Variants in PATJ observed in about 807,000 individuals in gnomAD.
PATJ encodes the protein PATJ crumbs cell polarity complex component.
In PATJ, 190 loss-of-function variants were observed where a neutral mutation model predicts 224.9. The ratio of observed to expected loss-of-function variants is 0.84; its 90% CI spans 0.75 to 0.95. PATJ has a LOEUF of 0.95. PATJ is among the 40% of genes least tolerant of loss of function. The probability of loss-of-function intolerance (pLI) is 0.00; values close to 1 mark genes in which losing one functional copy is unlikely to be tolerated. For synonymous variants in PATJ, 769 were observed against 820.3 expected (o/e 0.94, Z 1.07); for missense variants, 2,121 against 2,270.3 (o/e 0.93, Z 1.34).
At chr1:61,982,116 G>A (rs1037051925) in intron 27 of PATJ, among the ~76,000 whole-genome samples, 2 of 151,988 alleles carry the variant, frequency 1.3e-5, no homozygotes, top group Non-Finnish European at 2.9e-5. Flanking sequence ...TGGGAAGTGG[G>A]GGCAGGGGGC....
At chr1:61,900,989 ATATAT>A (rs911265173) in intron 23 of PATJ, among the ~76,000 whole-genome samples, 2 of 152,208 alleles carry the variant, frequency 1.3e-5, no homozygotes, top group African/African-American at 4.8e-5. Context: ...ATGACAGAAA[ATATAT>A]TATAATAGGA....
Position 61,966,767 on chromosome 1 carries a change from T to C in PATJ, c.3671-23401T>C, listed in dbSNP as rs138285086. Among the ~76,000 whole-genome samples, 189 of 151,908 alleles carry C rather than the reference T, an allele frequency of 1.2e-3. 3 individuals carry two copies. The East Asian group carries it at 0.033, about 27-fold the overall frequency. On this transcript the variant is annotated intron_variant, in intron 27 of 43. Transcript: ENST00000642238. ...ACTCCATAGAGCAGCTGGTTGCCCA[T>C]TTTTATGGTTATTTCTTGATTATAT...
chr1:61,827,135 A>G (rs1258948758), intron 15 of PATJ, among the ~76,000 whole-genome samples: 6 of 152,090 alleles, frequency 3.9e-5, no homozygotes, highest in Non-Finnish European at 5.9e-5. Flanking sequence ...GCTGCAAAAA[A>G]TTTGGTAGAT....
chr1:61,989,525 T>A (rs1271588773), intron 27 of PATJ, among the ~76,000 whole-genome samples: 2 of 152,216 alleles, frequency 1.3e-5, no homozygotes, highest in Non-Finnish European at 2.9e-5. Flanking sequence ...GTTGATTTTC[T>A]TTCCTACTGG....
chr1:62,113,259 A>G (rs1211229223), intron 34 of PATJ, among the ~76,000 whole-genome samples: 1 of 152,128 alleles, frequency 6.6e-6, no homozygotes, highest in Non-Finnish European at 1.5e-5. Context: ...GAAGACTTCA[A>G]GGGGTCTTGG....
intron 1 of PATJ, among the ~76,000 whole-genome samples, chr1:61,761,980 G>A (rs570580483): frequency 5.3e-5 from 8 of 152,240 alleles, no homozygotes; most frequent in African/African-American, 1.7e-4. Context: ...GAGTCAATGC[G>A]CCCGGCCACT....
intron 21 of PATJ, among the ~76,000 whole-genome samples, chr1:61,882,615 T>A (rs1490457256): frequency 6.6e-6 from 1 of 152,150 alleles, no homozygotes; most frequent in African/African-American, 2.4e-5. Flanking sequence ...TGATACAAGG[T>A]CTCACTCTGT....
intron 28 of PATJ, 120 bp from the exon 29 acceptor site, chr1:62,017,736 A>AAAG: frequency 1.8e-6 from 1 of 554,916 alleles, no homozygotes; most frequent in Non-Finnish European, 3.1e-6. Flanking sequence ...TCTCAAAAAA[A>AAAG]AAAAAAAAAA....
chr1:62,055,996 A>C (rs193215524), intron 31 of PATJ, among the ~76,000 whole-genome samples: 1 of 152,284 alleles, frequency 6.6e-6, no homozygotes, highest in Non-Finnish European at 1.5e-5. Context: ...TCTGATGTCC[A>C]GGGGCAGGAG....
intron 31 of PATJ, among the ~76,000 whole-genome samples, chr1:62,058,661 A>G (rs369798592): frequency 1.1e-4 from 17 of 152,214 alleles, no homozygotes; most frequent in African/African-American, 3.6e-4. Context: ...GCATGCAGTA[A>G]GAGCTCAGTT....
intron 27 of PATJ, among the ~76,000 whole-genome samples, chr1:61,942,203 GA>G (rs981752901): frequency 4.6e-5 from 7 of 151,938 alleles, no homozygotes; most frequent in Admixed American, 4.6e-4. Flanking sequence ...GGAGGTTTGA[GA>G]AAAAATATAT....
At chr1:62,010,231 TCCA>T (rs1646362158) in intron 28 of PATJ, among the ~76,000 whole-genome samples, 1 of 152,098 alleles carries the variant, frequency 6.6e-6, no homozygotes, top group Non-Finnish European at 1.5e-5. Flanking sequence ...TCTGTCCATT[TCCA>T]CCACACCTGC....
rs761652904 is a variant in PATJ, at chr1:61,921,965, T to C, written c.3571-5765T>C. 2.0e-5 allele frequency among the ~76,000 whole-genome samples: 3 copies of C among 152,188 alleles called. No individual in the cohort carries two copies. The East Asian group carries it at 5.8e-4, about 29-fold the overall frequency. On this transcript the variant is annotated intron_variant, in intron 26 of 43. Transcript: ENST00000642238. ...TTAAAGCTGTTAAAGACAAAAAAAA[T>C]TCCTGCTGTCTTGCAGCTTGCATTT...
At chr1:61,991,604 G>A (rs1366710008) in intron 28 of PATJ, 1 of 985,384 alleles carries the variant, frequency 1.0e-6, no homozygotes, top group East Asian at 1.1e-4. Flanking sequence ...CCAAACCTTG[G>A]TTGCTTCTCC....
chr1:61,786,593 C>T (rs1648579592), intron 7 of PATJ, among the ~76,000 whole-genome samples: 1 of 152,118 alleles, frequency 6.6e-6, no homozygotes. Context: ...TTCATGGCAA[C>T]TCTATCTTTC....
chr1:61,791,808 C>T (rs1001916546), intron 9 of PATJ, among the ~76,000 whole-genome samples: 3 of 151,314 alleles, frequency 2.0e-5, no homozygotes, highest in Non-Finnish European at 4.4e-5. Flanking sequence ...GTAAATGTTC[C>T]CAAAGTATGA....
intron 17 of PATJ, among the ~76,000 whole-genome samples, chr1:61,841,486 G>A (rs1460190148): frequency 6.6e-6 from 1 of 151,666 alleles, no homozygotes; most frequent in African/African-American, 2.4e-5. Flanking sequence ...ATTATTTCCA[G>A]AATCTAAAAT....
intron 41 of PATJ, among the ~76,000 whole-genome samples, chr1:62,143,495 G>A (rs577363488): frequency 7.8e-6 from 1 of 127,548 alleles, no homozygotes; most frequent in East Asian, 2.5e-4. Flanking sequence ...CTGTCACCCA[G>A]GCTGAAGTGC....
At chr1:61,790,681 T>A (rs569798690) in intron 8 of PATJ, among the ~76,000 whole-genome samples, 2 of 151,934 alleles carry the variant, frequency 1.3e-5, no homozygotes, top group South Asian at 4.2e-4. Flanking sequence ...GCCTGGCTAA[T>A]ATTTGTATTT....
Sources: gnomAD v4.1 joint callset for allele counts (sites outside exome capture counted in the v4.1 genomes callset) on GRCh38, gnomAD v4.1.1 for gene constraint, MANE v1.5 for transcripts, NCBI Gene and HGNC (gene_info 2026-07-23, HGNC 2026-07-21) for gene names.